The following CCDC85C variants were observed in gnomAD, a reference collection of about 807,000 sequenced individuals.
CCDC85C encodes coiled-coil domain-containing protein 85C.
CCDC85C carries 18 observed loss-of-function variants against 38.3 expected under a neutral mutation model. That is an observed-to-expected ratio of 0.47 (90% CI 0.33 to 0.70). The LOEUF is 0.70. CCDC85C is among the 30% of genes least tolerant of loss of function. The pLI is 0.03. For missense variants in CCDC85C, 566 were observed against 621.2 expected, an observed-to-expected ratio of 0.91 and a Z score of 0.94; for synonymous variants, 264 against 293.8, an observed-to-expected ratio of 0.90 and a Z score of 1.04.
At chr14:99,529,065 A>G (rs1465696687) in intron 2 of CCDC85C, among the ~76,000 whole-genome samples, 1 of 152,266 alleles carries the variant, frequency 6.6e-6, no homozygotes, top group Non-Finnish European at 1.5e-5. Flanking sequence ...CTGGGGGTCC[A>G]GAGACATATT....
chr14:99,505,486 T>G lies in CCDC85C; in HGVS notation c.*9760A>C, dbSNP rs1307683108. ...ATATTGGTTACATGTTGAAATAAAA[T>G]TTTCGATCTATCGGGTTAAATAAAT... On this transcript the variant is annotated 3_prime_UTR_variant, in exon 6 of 6. Transcript: ENST00000380243. 7.0e-6 allele frequency: 1 copy of G among 143,778 alleles called. No homozygotes were observed. Among genetic ancestry groups the G allele is most frequent in the East Asian group, 2.1e-4 (1 of 4,814 alleles). 8.9% of individuals were successfully genotyped at this position (143,778 alleles called of 1,614,324 possible).
chr14:99,567,805 A>G (rs1365167985), intron 1 of CCDC85C, among the ~76,000 whole-genome samples: 1 of 152,216 alleles, frequency 6.6e-6, no homozygotes, highest in African/African-American at 2.4e-5. Context: ...AGCCTGGGCA[A>G]CAAGAGCGAA....
intron 1 of CCDC85C, among the ~76,000 whole-genome samples, chr14:99,541,151 A>T (rs748838617): frequency 6.6e-6 from 1 of 152,200 alleles, no homozygotes; most frequent in Non-Finnish European, 1.5e-5. Context: ...GTCAGCCTCC[A>T]GAAAAATGTC....
In CCDC85C at chr14:99,576,489, G is replaced by A. The variant is rs1248649563; in HGVS notation, c.793+26678C>T. On this transcript the variant is annotated intron_variant, in intron 1 of 5. Coordinates refer to ENST00000380243, the MANE Select transcript of CCDC85C (RefSeq NM_001144995.2). This position sits in a 1 kb window ranked among gnomAD's most constrained non-coding sequence, Gnocchi z 4.8. ...TGTCTGTCACCTCCCAGCACAGGAT[G>A]GTGCTGTCCACGCACTTCTCATGAA... is the stretch of plus-strand genomic sequence containing the variant. The A allele has an allele frequency of 3.3e-5, 5 of 152,318 alleles. No individual in the cohort carries two copies. Among genetic ancestry groups the A allele is most frequent in the Non-Finnish European group, 5.9e-5 (4 of 68,142 alleles). The allele number at this position is 152,318 out of a possible 1,614,324, so 9.4% of individuals were successfully genotyped here.
At chr14:99,593,495 A>C (rs2055110217) in intron 1 of CCDC85C, among the ~76,000 whole-genome samples, 1 of 152,162 alleles carries the variant, frequency 6.6e-6, no homozygotes, top group South Asian at 2.1e-4. Context: ...AGCTGATTCG[A>C]GCTCCTGGGG....
chr14:99,602,913 C>T (rs1472087058), intron 1 of CCDC85C, among the ~76,000 whole-genome samples: 1 of 152,222 alleles, frequency 6.6e-6, no homozygotes, highest in Admixed American at 6.5e-5. Context: ...CCGCTAGAAA[C>T]TTTTCTGGGA....
chr14:99,502,123 GGTTA>G lies in CCDC85C; in HGVS notation c.*13119_*13122del, dbSNP rs1896845796. 7.3e-6 allele frequency: 10 copies of G among 1,369,858 alleles called. No homozygotes were observed. The highest frequency in any genetic ancestry group is 3.3e-5 in the South Asian group (2 of 60,710). 84.9% of individuals were successfully genotyped at this position (1,369,858 alleles called of 1,614,324 possible). On this transcript the variant is annotated 3_prime_UTR_variant, in exon 6 of 6. Transcript: ENST00000380243. ...TTTAGGGGAGAATAAGCAAATTAAT[GGTTA>G]GTTATGGCATCTCCATGCACTGGTT...
chr14:99,531,496 T>C (rs898778703), intron 2 of CCDC85C, among the ~76,000 whole-genome samples: 1 of 148,644 alleles, frequency 6.7e-6, no homozygotes, highest in Non-Finnish European at 1.5e-5. Context: ...AGAAAGAAAA[T>C]ACGAACAGCA....
intron 1 of CCDC85C, among the ~76,000 whole-genome samples, chr14:99,563,103 G>A (rs994831519): frequency 9.9e-5 from 15 of 152,226 alleles, no homozygotes; most frequent in Admixed American, 6.5e-5. Flanking sequence ...CAGAACCAGA[G>A]TTTAAAGCAT....
At chr14:99,525,228 G>T (rs1182908203) in intron 2 of CCDC85C, among the ~76,000 whole-genome samples, 5 of 152,202 alleles carry the variant, frequency 3.3e-5, no homozygotes, top group Non-Finnish European at 7.4e-5. Context: ...AACTCCAGTT[G>T]TTCCCCAGCC....
rs996114021 is a variant in CCDC85C, at chr14:99,500,688, C to A, written c.*14558G>T. 6 of 917,738 alleles carry A rather than the reference C, an allele frequency of 6.5e-6. No homozygotes were observed. Among genetic ancestry groups the A allele is most frequent in the Non-Finnish European group, 1.0e-5 (6 of 574,410 alleles). The allele number at this position is 917,738 out of a possible 1,614,324, so 56.8% of individuals were successfully genotyped here. The stretch of plus-strand genomic sequence containing the variant: ...ATAACTTGAAGAGAGAATAAATAGA[C>A]AGGAAAGCTCACTTTTGTAATGCTG... On this transcript the variant is annotated 3_prime_UTR_variant, in exon 6 of 6. Transcript: ENST00000380243.
At chr14:99,565,256 A>G (rs989627887) in intron 1 of CCDC85C, among the ~76,000 whole-genome samples, 1 of 152,128 alleles carries the variant, frequency 6.6e-6, no homozygotes, top group Non-Finnish European at 1.5e-5. Flanking sequence ...TCGTGTGCAC[A>G]ATCCCCTCCT....
At chr14:99,587,718 G>A (rs975692246) in intron 1 of CCDC85C, among the ~76,000 whole-genome samples, 9 of 152,102 alleles carry the variant, frequency 5.9e-5, no homozygotes, top group African/African-American at 2.2e-4. Context: ...GCCAAGCAGG[G>A]ACCCTGGAGC....
chr14:99,547,975 C>G (rs1897838047), intron 1 of CCDC85C, among the ~76,000 whole-genome samples: 1 of 151,672 alleles, frequency 6.6e-6, no homozygotes, highest in South Asian at 2.1e-4. Context: ...TATTTTAAAA[C>G]AAAGAGAACA....
At chr14:99,578,942 C>A (rs2054934415) in intron 1 of CCDC85C, among the ~76,000 whole-genome samples, 1 of 152,240 alleles carries the variant, frequency 6.6e-6, no homozygotes, top group South Asian at 2.1e-4. Context: ...CCCTGCCCCA[C>A]CTCCATCCAC....
intron 1 of CCDC85C, among the ~76,000 whole-genome samples, chr14:99,567,147 C>T (rs1432589764): frequency 6.6e-6 from 1 of 152,052 alleles, no homozygotes; most frequent in Non-Finnish European, 1.5e-5. Context: ...CGGTCCCTCC[C>T]GATTCTCATC....
chr14:99,523,076 TTTTC>T (rs1897324333), intron 2 of CCDC85C: 2 of 152,182 alleles, frequency 1.3e-5, no homozygotes, highest in African/African-American at 4.8e-5. Context: ...CGAAACACCC[TTTTC>T]TACTTCAAAG....
At chr14:99,566,563 C>A (rs1234801843) in intron 1 of CCDC85C, among the ~76,000 whole-genome samples, 1 of 152,148 alleles carries the variant, frequency 6.6e-6, no homozygotes, top group Non-Finnish European at 1.5e-5. Context: ...CCCTCGGCTC[C>A]CCCAGGTCTC....
chr14:99,514,366 G>A lies in CCDC85C; in HGVS notation c.*880C>T, dbSNP rs913110697. On this transcript the variant is annotated 3_prime_UTR_variant, in exon 6 of 6. Transcript: ENST00000380243. ...AAGATGCAGCCAGGCCCTGGGGGAG[G>A]TCACAGCCAACCAGAGCCCCAGCTG... 1 of 152,464 alleles carries A rather than the reference G, an allele frequency of 6.6e-6. No individual in the cohort carries two copies. The highest frequency in any genetic ancestry group is 1.5e-5 in the Non-Finnish European group (1 of 68,262). The allele number at this position is 152,464 out of a possible 1,614,324, so 9.4% of individuals were successfully genotyped here. A position where few individuals can be genotyped will look rare whatever the true frequency, so the allele number is the denominator to read the frequency against.
Sources: allele counts gnomAD v4.1 joint callset (sites outside exome capture counted in the v4.1 genomes callset), GRCh38; gene constraint gnomAD v4.1.1; non-coding constraint Gnocchi (gnomAD v3.1); transcripts MANE v1.5; gene names NCBI Gene and HGNC (gene_info 2026-07-23, HGNC 2026-07-21).